Variants in CUL4A observed in about 807,000 individuals in gnomAD.
The protein encoded by CUL4A is cullin 4A.
Under a neutral mutation model 95.5 loss-of-function variants are expected in CUL4A, and 16 were observed. The observed-to-expected ratio is 0.17, with a 90% confidence interval of 0.11 to 0.25. The LOEUF (loss-of-function observed/expected upper bound fraction) is 0.25, where lower values mean the gene tolerates loss of function less well. CUL4A is among the 10% of genes least tolerant of loss of function. CUL4A has a pLI of 1.00. For missense variants in CUL4A, 610 were observed against 937.0 expected (o/e 0.65, Z 4.56); for synonymous variants, 380 against 353.1 (o/e 1.08, Z -0.85).
At chr13:113,251,042 T>A (rs186261767) in intron 15 of CUL4A, among the ~76,000 whole-genome samples, 39 of 152,102 alleles carry the variant, frequency 2.6e-4, no homozygotes, top group Admixed American at 2.6e-3. Context: ...GCACGTCAAG[T>A]CTAGAGAGCA....
chr13:113,211,380 GTTTT>G (rs2040437234), intron 2 of CUL4A, among the ~76,000 whole-genome samples: 2 of 152,184 alleles, frequency 1.3e-5, no homozygotes, highest in Non-Finnish European at 2.9e-5. Flanking sequence ...CATGTTTGGG[GTTTT>G]TTGTTTGTTT....
chr13:113,238,155 G>A (rs532179278), intron 9 of CUL4A, among the ~76,000 whole-genome samples: 1 of 152,116 alleles, frequency 6.6e-6, no homozygotes, highest in African/African-American at 2.4e-5. Flanking sequence ...AAGAAAAAAG[G>A]CCAGGCATAG....
intron 18 of CUL4A, among the ~76,000 whole-genome samples, chr13:113,257,562 A>G (rs967907089): frequency 2.1e-4 from 32 of 152,210 alleles, no homozygotes; most frequent in African/African-American, 7.5e-4. Flanking sequence ...GAGCAAGAAC[A>G]GGGAGGGAGG....
intron 18 of CUL4A, among the ~76,000 whole-genome samples, chr13:113,255,817 G>T (rs554137913): frequency 1.3e-5 from 2 of 152,204 alleles, no homozygotes; most frequent in Non-Finnish European, 2.9e-5. Context: ...AGGACATCTG[G>T]TTGTTTCCAA....
intron 18 of CUL4A, among the ~76,000 whole-genome samples, chr13:113,259,944 G>T (rs948042274): frequency 2.0e-5 from 3 of 151,290 alleles, no homozygotes; most frequent in Non-Finnish European, 4.4e-5. Flanking sequence ...GGTGGCTCAC[G>T]CCTGTAATCC....
chr13:113,210,604 T>C (rs1323116670), intron 2 of CUL4A, among the ~76,000 whole-genome samples: 1 of 152,254 alleles, frequency 6.6e-6, no homozygotes, highest in African/African-American at 2.4e-5. Context: ...TAGCATTTAA[T>C]TCAAAGTGAT....
At chr13:113,215,889 G>C (rs1463620952) in intron 2 of CUL4A, among the ~76,000 whole-genome samples, 2 of 104,758 alleles carry the variant, frequency 1.9e-5, no homozygotes. Flanking sequence ...TGGAGGTCGC[G>C]TGTGTGACTA....
chr13:113,238,239 C>G (rs190431006), intron 9 of CUL4A, among the ~76,000 whole-genome samples: 1 of 152,016 alleles, frequency 6.6e-6, no homozygotes, highest in East Asian at 1.9e-4. Flanking sequence ...CAAGAATTCA[C>G]GACCAGCCTG....
chr13:113,244,382 A>G, intron 11 of CUL4A, 28 bp from the exon 12 acceptor site: 16 of 1,511,388 alleles, frequency 1.1e-5, no homozygotes, highest in Non-Finnish European at 1.5e-5. Flanking sequence ...TCTAGTTTAG[A>G]GTATTTACTA....
At chr13:113,255,418 C>T (rs2042095688) in intron 18 of CUL4A, among the ~76,000 whole-genome samples, 1 of 152,180 alleles carries the variant, frequency 6.6e-6, no homozygotes, top group Non-Finnish European at 1.5e-5. Context: ...TCCACACTTT[C>T]TATGGTAATA....
chr13:113,236,317 G>A (rs1463564283), intron 8 of CUL4A, among the ~76,000 whole-genome samples: 7 of 152,282 alleles, frequency 4.6e-5, no homozygotes, highest in East Asian at 1.9e-4. Context: ...AGCAGCCCCC[G>A]GGAGACTGGG....
At position 113,235,233 on chromosome 13, in the gene CUL4A, GT is replaced by G; in HGVS notation, c.848+89del. On this transcript the variant is annotated intron_variant, in intron 8 of 19. Transcript: ENST00000375440. The stretch of plus-strand genomic sequence containing the variant: ...GGTTATTGAAATAAAGGGTGTCTTT[GT>G]CAATTCATTCAGTACTAAGAGTGTT... 3.4e-6 allele frequency: 3 copies of G among 882,632 alleles called. No individual in the cohort carries two copies. The South Asian group carries it at 4.4e-5, about 13-fold the overall frequency. 54.7% of individuals were successfully genotyped at this position (882,632 alleles called of 1,614,324 possible).
upstream of CUL4A, chr13:113,208,246 C>T: frequency 6.9e-7 from 1 of 1,448,320 alleles, no homozygotes. Flanking sequence ...GCACCGCCCA[C>T]AGCGGGCCCT....
chr13:113,208,803 T>C (rs2040180401), upstream of CUL4A: 2 of 1,414,134 alleles, frequency 1.4e-6, no homozygotes, highest in Non-Finnish European at 9.2e-7. Context: ...GCGCTCGGGC[T>C]GAGGGGGCCC....
At chr13:113,236,798 C>T (rs369989806) in intron 8 of CUL4A, 25 bp from the exon 9 acceptor site, 78 of 1,531,996 alleles carry the variant, frequency 5.1e-5, no homozygotes, top group African/African-American at 2.9e-4. Context: ...TTACTTCTAA[C>T]GCTTATTCTT....
chr13:113,256,685 T>C (rs563890213), intron 18 of CUL4A, among the ~76,000 whole-genome samples: 3 of 152,276 alleles, frequency 2.0e-5, no homozygotes, highest in African/African-American at 7.2e-5. Flanking sequence ...ATATTTAAAA[T>C]AGACATACTA....
intron 19 of CUL4A, among the ~76,000 whole-genome samples, chr13:113,261,354 G>A (rs1184041198): frequency 1.3e-5 from 2 of 152,122 alleles, no homozygotes; most frequent in Non-Finnish European, 2.9e-5. Flanking sequence ...GGACAGGACC[G>A]GCCACACGTG....
intron 5 of CUL4A, among the ~76,000 whole-genome samples, chr13:113,231,941 G>C (rs2041325874): frequency 6.6e-6 from 1 of 151,762 alleles, no homozygotes; most frequent in African/African-American, 2.4e-5. Context: ...CACTGCGGCT[G>C]CTGCCACCAC....
Position 113,265,206 on chromosome 13 carries a change from G to A in CUL4A, c.*1624G>A, listed in dbSNP as rs970427896. 1 of 152,148 alleles carries A rather than the reference G, an allele frequency of 6.6e-6. No homozygotes were observed. Among genetic ancestry groups the A allele is most frequent in the East Asian group, 1.9e-4 (1 of 5,198 alleles). 9.4% of individuals were successfully genotyped at this position (152,148 alleles called of 1,614,324 possible). A position where few individuals can be genotyped will look rare whatever the true frequency, so the allele number is the denominator to read the frequency against. ...CACCTCTACCACAAAATACCAGTGG[G>A]GCCAGGTAGTGACAAGTGGGTCTTT... On this transcript the variant is annotated 3_prime_UTR_variant, in exon 20 of 20. Transcript: ENST00000375440.
Sources: allele counts gnomAD v4.1 joint callset (sites outside exome capture counted in the v4.1 genomes callset), GRCh38; gene constraint gnomAD v4.1.1; transcripts MANE v1.5; gene names NCBI Gene and HGNC (gene_info 2026-07-23, HGNC 2026-07-21).